Variants in HP1BP3 observed in about 807,000 individuals in gnomAD.
HP1BP3 encodes heterochromatin protein 1-binding protein 3.
Under a neutral mutation model 62.5 loss-of-function variants are expected in HP1BP3, and 12 were observed. That is an observed-to-expected ratio of 0.19 (90% confidence interval 0.12 to 0.31). The LOEUF is 0.31. HP1BP3 is among the 10% of genes least tolerant of loss of function. HP1BP3 has a pLI of 1.00. For synonymous variants in HP1BP3, 260 were observed against 237.8 expected (o/e 1.09, Z -0.86); for missense variants, 502 against 651.8 (o/e 0.77, Z 2.50).
At position 20,740,593 on chromosome 1, in the gene HP1BP3, G is replaced by A. The variant is rs2055055350; in HGVS notation, c.*4204C>T. ...CCTGGCACTTTGGAAAGCCCAGGTG[G>A]GAAGATCACGTGAGGCCACGAGTTC... On this transcript the variant is annotated 3_prime_UTR_variant, in exon 13 of 13. Transcript: ENST00000438032. 6.6e-6 allele frequency among the ~76,000 whole-genome samples: 1 copy of A among 152,216 alleles called. No individual in the cohort carries two copies.
intron 11 of HP1BP3, 31 bp from the exon 12 acceptor site, chr1:20,745,687 A>C: frequency 6.2e-7 from 1 of 1,609,736 alleles, no homozygotes; most frequent in Non-Finnish European, 8.5e-7. Flanking sequence ...TTAAAACACA[A>C]GTCCCATATA....
At chr1:20,750,320 AAAACACACACAC>A (rs1557638734) in intron 9 of HP1BP3, 3 of 92,780 alleles carry the variant, frequency 3.2e-5, no homozygotes, top group African/African-American at 1.2e-4. Context: ...GTCTCTACTA[AAAACACACACAC>A]ACACACACAC....
chr1:20,770,920 T>C lies in HP1BP3; in HGVS notation c.654+10A>G. 1 of 1,578,366 alleles carries C rather than the reference T, an allele frequency of 6.3e-7. No homozygotes were observed. The highest frequency in any genetic ancestry group is 8.6e-7 in the Non-Finnish European group (1 of 1,165,066). ...ATGAAATGATCTTACTACTAACAAT[T>C]GTGTAATACCTGTTTGATGACTCCT... On this transcript the variant is annotated intron_variant, in intron 6 of 12. Coordinates refer to ENST00000438032, the MANE Select transcript of HP1BP3 (RefSeq NM_001372052.1).
chr1:20,768,151 T>C (rs2056876104), intron 6 of HP1BP3, among the ~76,000 whole-genome samples: 1 of 151,994 alleles, frequency 6.6e-6, no homozygotes, highest in Admixed American at 6.6e-5. Flanking sequence ...GGAAGGGTTA[T>C]CCAACAATTT....
intron 4 of HP1BP3, chr1:20,775,913 C>T: frequency 6.9e-7 from 1 of 1,456,414 alleles, no homozygotes; most frequent in South Asian, 1.4e-5. Context: ...AGAATGTATA[C>T]CCATTGTTAA....
In HP1BP3 at chr1:20,773,593, T is replaced by G; in HGVS notation, c.368A>C (p.Lys123Thr). The change falls in exon 5 of 13, where the codon AAA (lysine) becomes ACA (threonine). Residue 123 changes from lysine (K) to threonine (T), a missense_variant. Physicochemically the swap from Lys to Thr is moderately conservative, Grantham distance 78. Coordinates refer to ENST00000438032, the MANE Select transcript of HP1BP3 (RefSeq NM_001372052.1). ...TTTTTTCACTTTCTTCTCCTTTTCT[T>G]TAGACTGATCTTTCTCACTTTAAAA... Reference protein sequence around the residue: ...ETKKDEKDQSKEKEKKVKKTI... With the variant: ...ETKKDEKDQSTEKEKKVKKTI... 6.2e-7 allele frequency: 1 copy of G among 1,605,790 alleles called. No homozygotes were observed. Among genetic ancestry groups the G allele is most frequent in the Non-Finnish European group, 8.5e-7 (1 of 1,175,318 alleles).
intron 8 of HP1BP3, among the ~76,000 whole-genome samples, chr1:20,764,750 C>T (rs1229995239): frequency 1.3e-5 from 2 of 150,162 alleles, no homozygotes; most frequent in African/African-American, 4.9e-5. Context: ...GTAACCGGGG[C>T]CTGTAATCCC....
intron 8 of HP1BP3, among the ~76,000 whole-genome samples, chr1:20,758,528 A>T (rs1200748880): frequency 6.6e-6 from 1 of 151,956 alleles, no homozygotes; most frequent in Non-Finnish European, 1.5e-5. Flanking sequence ...TTGTACTTTT[A>T]GTAAAGACGG....
rs1234222324 is a variant in HP1BP3 at position 20,747,464 on chromosome 1, A to C, written c.1253+80T>G. ...TGTATTTCCAGTTCACTAAAACAGTAATAAGGGTAAAATAAATTAAACTGA... is the reference window on the plus strand; with the variant it reads ...TGTATTTCCAGTTCACTAAAACAGTCATAAGGGTAAAATAAATTAAACTGA... On this transcript the variant is annotated intron_variant, in intron 11 of 12. Transcript: ENST00000438032. 5 of 900,948 alleles carry C rather than the reference A, an allele frequency of 5.5e-6. No individual in the cohort carries two copies. The East Asian group carries it at 1.3e-4, about 23-fold the overall frequency. 55.8% of individuals were successfully genotyped at this position (900,948 alleles called of 1,614,324 possible).
chr1:20,764,953 G>C (rs2056699491), intron 8 of HP1BP3, among the ~76,000 whole-genome samples: 1 of 151,702 alleles, frequency 6.6e-6, no homozygotes. Context: ...TGGATCACTT[G>C]AGTTCAAGAG....
rs549077670 is a variant in HP1BP3 at position 20,742,685 on chromosome 1, T to A, written c.*2112A>T. 1.3e-5 allele frequency: 2 copies of A among 152,790 alleles called. No individual in the cohort carries two copies. The highest frequency in any genetic ancestry group is 4.1e-4 in the South Asian group (2 of 4,828). 9.5% of individuals were successfully genotyped at this position (152,790 alleles called of 1,614,324 possible). On this transcript the variant is annotated 3_prime_UTR_variant, in exon 13 of 13. Coordinates refer to ENST00000438032, the MANE Select transcript of HP1BP3 (RefSeq NM_001372052.1). ...ATATAAGCTACGGTTCAGCAGCTTT[T>A]AAAATTTCATGTTTATTCATATTTT... is the stretch of plus-strand genomic sequence containing the variant.
At chr1:20,764,436 T>A (rs1416183907) in intron 8 of HP1BP3, among the ~76,000 whole-genome samples, 2 of 151,762 alleles carry the variant, frequency 1.3e-5, no homozygotes, top group Non-Finnish European at 2.9e-5. Context: ...CTCCACCTCC[T>A]GGGTTCAAGC....
At chr1:20,766,298 C>G (rs1446188760) in intron 7 of HP1BP3, among the ~76,000 whole-genome samples, 1 of 152,002 alleles carries the variant, frequency 6.6e-6, no homozygotes, top group Non-Finnish European at 1.5e-5. Flanking sequence ...TCTCAAAACA[C>G]ACACACAAAA....
chr1:20,750,821 T>TG (rs1308089563), intron 9 of HP1BP3, among the ~76,000 whole-genome samples: 1 of 146,966 alleles, frequency 6.8e-6, no homozygotes, highest in Non-Finnish European at 1.5e-5. Flanking sequence ...TCTCTCTTTT[T>TG]TTTTTTTTTT....
rs2055087587 is a variant in HP1BP3, at chr1:20,741,664, T to C, written c.*3133A>G. Among the ~76,000 whole-genome samples, 2 of 152,196 alleles carry C rather than the reference T, an allele frequency of 1.3e-5. No individual in the cohort carries two copies. The highest frequency in any genetic ancestry group is 4.1e-4 in the South Asian group (2 of 4,830). On this transcript the variant is annotated 3_prime_UTR_variant, in exon 13 of 13. Coordinates refer to ENST00000438032, the MANE Select transcript of HP1BP3 (RefSeq NM_001372052.1). ...ACAATAGTATCTTTCCTTCCTCATT[T>C]TGTAGGTTAAGAAGCCAACAATCTC...
intron 10 of HP1BP3, 77 bp from the exon 11 acceptor site, chr1:20,747,732 C>A: frequency 1.2e-6 from 1 of 814,086 alleles, no homozygotes; most frequent in East Asian, 2.5e-5. Flanking sequence ...AACAGATGCC[C>A]ATCAATTTAA....
chr1:20,759,203 C>T (rs1278308142), intron 8 of HP1BP3, among the ~76,000 whole-genome samples: 1 of 152,166 alleles, frequency 6.6e-6, no homozygotes, highest in African/African-American at 2.4e-5. Context: ...GAGTTTGACA[C>T]CAGCTTGACC....
chr1:20,785,713 AACTT>A (rs2057790721), intron 1 of HP1BP3, among the ~76,000 whole-genome samples: 2 of 152,224 alleles, frequency 1.3e-5, no homozygotes, highest in Non-Finnish European at 2.9e-5. Flanking sequence ...GTTCTCCACT[AACTT>A]CCAGCCCTAC....
intron 9 of HP1BP3, among the ~76,000 whole-genome samples, chr1:20,750,641 T>C (rs2055676994): frequency 3.9e-5 from 6 of 151,940 alleles, no homozygotes; most frequent in Admixed American, 3.3e-4. Context: ...ACAACACAAT[T>C]TTATCTGTGC....
Sources: allele counts gnomAD v4.1 joint callset (sites outside exome capture counted in the v4.1 genomes callset), GRCh38; gene constraint gnomAD v4.1.1; transcripts MANE v1.5; gene names NCBI Gene and HGNC (gene_info 2026-07-23, HGNC 2026-07-21).